The following SLC8A1 variants were observed in gnomAD, a reference collection of about 807,000 sequenced individuals.
SLC8A1 encodes the protein sodium/calcium exchanger 1.
In SLC8A1, 18 loss-of-function variants were observed where a neutral mutation model predicts 68.3. The ratio of observed to expected loss-of-function variants is 0.26; its 90% CI spans 0.18 to 0.39. The LOEUF is 0.39. Among genes scored for constraint, SLC8A1 ranks in the 10% least tolerant of loss-of-function variants. The pLI, the probability that SLC8A1 is intolerant of heterozygous loss-of-function variation, is 1.00. For synonymous variants in SLC8A1, 475 were observed against 415.5 expected, an observed-to-expected ratio of 1.14 and a Z score of -1.74; for missense variants, 985 against 1,156.7, an observed-to-expected ratio of 0.85 and a Z score of 2.15.
intron 2 of SLC8A1, among the ~76,000 whole-genome samples, chr2:40,311,159 G>A (rs1022023305): frequency 5.3e-5 from 8 of 152,004 alleles, no homozygotes; most frequent in African/African-American, 1.9e-4. Flanking sequence ...TCCCCAACAC[G>A]TCAGTCAATG....
intron 2 of SLC8A1, among the ~76,000 whole-genome samples, chr2:40,188,587 T>A (rs1305735215): frequency 1.3e-5 from 2 of 152,234 alleles, no homozygotes; most frequent in East Asian, 3.8e-4. Flanking sequence ...TTTCTTCCTA[T>A]GTTACGTTTC....
At chr2:40,327,906 A>G (rs1293998974) in intron 2 of SLC8A1, among the ~76,000 whole-genome samples, 2 of 152,162 alleles carry the variant, frequency 1.3e-5, no homozygotes, top group Non-Finnish European at 2.9e-5. Context: ...CTAAAATAAA[A>G]GCTGAAATTA....
intron 2 of SLC8A1, among the ~76,000 whole-genome samples, chr2:40,196,707 A>T (rs1456696679): frequency 6.6e-6 from 1 of 151,962 alleles, no homozygotes; most frequent in Non-Finnish European, 1.5e-5. Flanking sequence ...AAGGGCCTTA[A>T]AAAATAACCC....
At chr2:40,240,711 T>C (rs867932188) in intron 2 of SLC8A1, among the ~76,000 whole-genome samples, 20 of 152,320 alleles carry the variant, frequency 1.3e-4, no homozygotes, top group African/African-American at 3.8e-4. Context: ...ACCAAGCACA[T>C]TTTTCTAGTT....
At chr2:40,342,820 C>T (rs571854161) in intron 2 of SLC8A1, among the ~76,000 whole-genome samples, 3 of 152,146 alleles carry the variant, frequency 2.0e-5, no homozygotes, top group Non-Finnish European at 1.5e-5. Context: ...AAACAGATCA[C>T]TCACTGCAAA....
chr2:40,280,110 T>C (rs893414484), intron 2 of SLC8A1, among the ~76,000 whole-genome samples: 12 of 152,096 alleles, frequency 7.9e-5, no homozygotes, highest in Non-Finnish European at 1.5e-4. Flanking sequence ...TTTAGATAGA[T>C]TTCTGCTTTT....
At chr2:40,234,338 G>C (rs1359628739) in intron 2 of SLC8A1, among the ~76,000 whole-genome samples, 1 of 151,698 alleles carries the variant, frequency 6.6e-6, no homozygotes, top group Non-Finnish European at 1.5e-5. Flanking sequence ...TGGATTCCTA[G>C]GTATTTTATT....
chr2:40,382,181 A>G (rs1430379428), intron 2 of SLC8A1, among the ~76,000 whole-genome samples: 1 of 152,118 alleles, frequency 6.6e-6, no homozygotes, highest in African/African-American at 2.4e-5. Context: ...TAGACTGTGA[A>G]TTCATCCAAA....
At chr2:40,431,836 T>G (rs928993729) in intron 1 of SLC8A1, among the ~76,000 whole-genome samples, 8 of 152,108 alleles carry the variant, frequency 5.3e-5, no homozygotes, top group Non-Finnish European at 1.2e-4. Context: ...ACTGCACCAG[T>G]GCCCAGGAGA....
chr2:40,150,051 T>TAAAAA (rs56010293), intron 6 of SLC8A1, among the ~76,000 whole-genome samples: 4 of 121,738 alleles, frequency 3.3e-5, no homozygotes, highest in South Asian at 2.9e-4. Flanking sequence ...TCTTATTTGT[T>TAAAAA]AAAAAAAAAA....
chr2:40,474,873 T>G (rs1704186871), intron 1 of SLC8A1, among the ~76,000 whole-genome samples: 2 of 152,176 alleles, frequency 1.3e-5, no homozygotes, highest in African/African-American at 2.4e-5. Flanking sequence ...TGCAAATAGT[T>G]TGGAGTAATC....
chr2:40,222,564 G>T (rs1574287362), intron 2 of SLC8A1, among the ~76,000 whole-genome samples: 1 of 152,114 alleles, frequency 6.6e-6, no homozygotes, highest in African/African-American at 2.4e-5. Context: ...CACAGCAAAA[G>T]AAACTATCAG....
intron 2 of SLC8A1, among the ~76,000 whole-genome samples, chr2:40,370,915 C>T (rs1361451076): frequency 6.6e-6 from 1 of 152,046 alleles, no homozygotes; most frequent in East Asian, 1.9e-4. Context: ...AAGGTCAGTG[C>T]ATTTTATTTA....
intron 2 of SLC8A1, among the ~76,000 whole-genome samples, chr2:40,219,151 T>C (rs1012509056): frequency 2.6e-5 from 4 of 152,170 alleles, no homozygotes; most frequent in Admixed American, 1.3e-4. Context: ...CCCCTTTCAA[T>C]TGGGATGCTG....
At chr2:40,275,791 C>T (rs1285587226) in intron 2 of SLC8A1, among the ~76,000 whole-genome samples, 1 of 152,142 alleles carries the variant, frequency 6.6e-6, no homozygotes, top group Non-Finnish European at 1.5e-5. Flanking sequence ...GGGCACAAGG[C>T]AGCACTGACT....
At chr2:40,318,610 T>C (rs112534716) in intron 2 of SLC8A1, among the ~76,000 whole-genome samples, 2 of 152,190 alleles carry the variant, frequency 1.3e-5, no homozygotes, top group African/African-American at 4.8e-5. Flanking sequence ...TCCAACCATA[T>C]GGAGTATAGT....
exon 8 of SLC8A1, chr2:40,113,842 C>A (rs1227255714): frequency 6.6e-6 from 1 of 152,656 alleles, no homozygotes; most frequent in Non-Finnish European, 1.5e-5. Flanking sequence ...TTTTAGAGGC[C>A]TCTGATGTGT....
intron 4 of SLC8A1, among the ~76,000 whole-genome samples, chr2:40,168,648 A>T (rs1480541577): frequency 6.6e-6 from 1 of 152,220 alleles, no homozygotes; most frequent in African/African-American, 2.4e-5. Flanking sequence ...CAGCATTTTT[A>T]AAATTTTAAT....
intron 6 of SLC8A1, among the ~76,000 whole-genome samples, chr2:40,156,655 G>A (rs1300495748): frequency 6.8e-6 from 1 of 148,050 alleles, no homozygotes; most frequent in Non-Finnish European, 1.5e-5. Context: ...TGGACTATAA[G>A]GAGACCTAAC....
Sources: allele counts gnomAD v4.1 joint callset (sites outside exome capture counted in the v4.1 genomes callset), GRCh38; gene constraint gnomAD v4.1.1; transcripts MANE v1.5; gene names NCBI Gene and HGNC (gene_info 2026-07-23, HGNC 2026-07-21).